Variants in CDH13 observed in about 807,000 individuals in gnomAD.
The protein encoded by CDH13 is cadherin 13, also known as cadherin-13.
A neutral mutation model predicts 63.8 loss-of-function variants in CDH13; 24 were observed. The ratio of observed to expected loss-of-function variants is 0.38; its 90% CI spans 0.27 to 0.53. CDH13 has a LOEUF of 0.53. Among genes scored for constraint, CDH13 ranks in the 20% least tolerant of loss-of-function variants. The probability of loss-of-function intolerance (pLI) is 0.85; values close to 1 mark genes in which losing one functional copy is unlikely to be tolerated. For missense variants in CDH13, 1,049 were observed against 903.1 expected (o/e 1.16, Z -2.07); for synonymous variants, 503 against 355.3 (o/e 1.42, Z -4.67).
At chr16:83,768,988 A>T (rs1914587008) in intron 11 of CDH13, among the ~76,000 whole-genome samples, 1 of 152,160 alleles carries the variant, frequency 6.6e-6, no homozygotes, top group Admixed American at 6.5e-5. Context: ...CCTATTCAAG[A>T]TGGAGTTGCT....
In CDH13 at chr16:82,826,626, C is replaced by T. The variant is rs181710594; in HGVS notation, c.46-31736C>T. 12 of 152,196 alleles carry T rather than the reference C, an allele frequency of 7.9e-5. No homozygotes were observed. In the South Asian group the frequency reaches 1.7e-3, roughly 21 times the overall value. The allele number at this position is 152,196 out of a possible 1,614,324, so 9.4% of individuals were successfully genotyped here. A position where few individuals can be genotyped will look rare whatever the true frequency, so the allele number is the denominator to read the frequency against. On this transcript the variant is annotated intron_variant, in intron 1 of 13. Coordinates refer to ENST00000567109, the MANE Select transcript of CDH13 (RefSeq NM_001257.5). Reference sequence around the variant, plus strand: ...AATCACTTCCAGATTGAAGCACTTACGGGGGGAAAAGGCGAAGGGCTCCAG... The same window carrying T: ...AATCACTTCCAGATTGAAGCACTTATGGGGGGAAAAGGCGAAGGGCTCCAG...
chr16:83,568,208 C>G (rs567727796), intron 7 of CDH13, among the ~76,000 whole-genome samples: 2 of 152,108 alleles, frequency 1.3e-5, no homozygotes, highest in African/African-American at 2.4e-5. Context: ...AAAAGCTGAT[C>G]TGATGTAAAA....
intron 2 of CDH13, among the ~76,000 whole-genome samples, chr16:82,860,166 T>A (rs989525826): frequency 6.6e-6 from 1 of 152,166 alleles, no homozygotes; most frequent in African/African-American, 2.4e-5. Flanking sequence ...ATGGCATCTA[T>A]GTTAACATGC....
intron 3 of CDH13, among the ~76,000 whole-genome samples, chr16:83,073,764 G>T (rs2032621230): frequency 6.6e-6 from 1 of 151,858 alleles, no homozygotes; most frequent in African/African-American, 2.4e-5. Flanking sequence ...TGATATATGT[G>T]CTATACTATA....
chr16:82,713,328 C>A (rs1041604309), intron 1 of CDH13, among the ~76,000 whole-genome samples: 5 of 152,116 alleles, frequency 3.3e-5, no homozygotes, highest in Non-Finnish European at 7.4e-5. Flanking sequence ...AGAACCACTG[C>A]GCTCAGAACT....
chr16:83,111,834 A>G (rs2035072207), intron 3 of CDH13, among the ~76,000 whole-genome samples: 1 of 152,144 alleles, frequency 6.6e-6, no homozygotes, highest in Non-Finnish European at 1.5e-5. Flanking sequence ...AAACCTAAAG[A>G]GAAAGAGAAA....
chr16:82,950,052 G>A (rs1346163114), intron 2 of CDH13, among the ~76,000 whole-genome samples: 1 of 152,052 alleles, frequency 6.6e-6, no homozygotes, highest in Non-Finnish European at 1.5e-5. Context: ...AGTTCACTAG[G>A]GCTCCTATAA....
At chr16:83,763,761 C>T (rs1051937416) in intron 11 of CDH13, among the ~76,000 whole-genome samples, 1 of 152,128 alleles carries the variant, frequency 6.6e-6, no homozygotes, top group East Asian at 1.9e-4. Flanking sequence ...TTCAAGCACT[C>T]GCAAAATATC....
chr16:82,853,366 G>T (rs572612432), intron 1 of CDH13, among the ~76,000 whole-genome samples: 1 of 152,326 alleles, frequency 6.6e-6, no homozygotes, highest in Non-Finnish European at 1.5e-5. Context: ...CTACCCTGGA[G>T]AATATCAGTG....
chr16:83,418,539 G>A (rs886208329), intron 6 of CDH13, among the ~76,000 whole-genome samples: 1 of 152,230 alleles, frequency 6.6e-6, no homozygotes, highest in Non-Finnish European at 1.5e-5. Flanking sequence ...GTATGAGGCA[G>A]ACTTCAAGTT....
chr16:82,816,726 T>C (rs1020529769), intron 1 of CDH13, among the ~76,000 whole-genome samples: 2 of 149,340 alleles, frequency 1.3e-5, no homozygotes, highest in Non-Finnish European at 3.0e-5. Context: ...GCATTGATCC[T>C]TGTAGTCCAT....
intron 2 of CDH13, among the ~76,000 whole-genome samples, chr16:82,914,115 A>G (rs2041915459): frequency 6.6e-6 from 1 of 152,142 alleles, no homozygotes; most frequent in Non-Finnish European, 1.5e-5. Flanking sequence ...AACTCTAGCC[A>G]TTATCTCCTT....
At chr16:83,377,995 T>C (rs2091488321) in intron 6 of CDH13, among the ~76,000 whole-genome samples, 1 of 152,074 alleles carries the variant, frequency 6.6e-6, no homozygotes, top group Non-Finnish European at 1.5e-5. Flanking sequence ...AACAAATATA[T>C]CCCTTCTTCC....
intron 1 of CDH13, among the ~76,000 whole-genome samples, chr16:82,671,212 C>A (rs1057061240): frequency 6.6e-6 from 1 of 152,152 alleles, no homozygotes; most frequent in Non-Finnish European, 1.5e-5. Context: ...GAAAAAAGAA[C>A]ACAACTGTGT....
At chr16:83,722,854 C>G (rs1909879520) in intron 10 of CDH13, among the ~76,000 whole-genome samples, 1 of 152,174 alleles carries the variant, frequency 6.6e-6, no homozygotes, top group Non-Finnish European at 1.5e-5. Flanking sequence ...CATATTTCTC[C>G]CAGTCTTTAT....
intron 6 of CDH13, among the ~76,000 whole-genome samples, chr16:83,388,418 A>G (rs566624844): frequency 7.2e-4 from 109 of 151,898 alleles, no homozygotes; most frequent in African/African-American, 2.6e-3. Flanking sequence ...GTACCACTGC[A>G]CTCCAGCTTG....
chr16:83,157,640 A>C (rs553980680), intron 4 of CDH13, among the ~76,000 whole-genome samples: 168 of 151,790 alleles, frequency 1.1e-3, no homozygotes, highest in South Asian at 4.4e-3. Flanking sequence ...CACACCTGTC[A>C]TCCCAGCGCT....
intron 1 of CDH13, among the ~76,000 whole-genome samples, chr16:82,666,220 T>G (rs774942874): frequency 1.3e-5 from 2 of 152,216 alleles, no homozygotes; most frequent in Non-Finnish European, 2.9e-5. Context: ...TATTCATCTT[T>G]CCAAGCTCCT....
chr16:83,219,340 T>C (rs1168207443), intron 5 of CDH13, among the ~76,000 whole-genome samples: 1 of 152,212 alleles, frequency 6.6e-6, no homozygotes, highest in Non-Finnish European at 1.5e-5. Flanking sequence ...CATATAATAT[T>C]ACGGTAGTTA....
Sources: gnomAD v4.1 joint callset for allele counts (sites outside exome capture counted in the v4.1 genomes callset) on GRCh38, gnomAD v4.1.1 for gene constraint, MANE v1.5 for transcripts, NCBI Gene and HGNC (gene_info 2026-07-23, HGNC 2026-07-21) for gene names.